The following TNXB variants were observed in gnomAD, a reference collection of about 807,000 sequenced individuals.
The protein encoded by TNXB is tenascin XB.
TNXB carries 183 observed loss-of-function variants against 340.5 expected under a neutral mutation model. The ratio of observed to expected loss-of-function variants is 0.54; its 90% CI spans 0.48 to 0.61. The LOEUF (loss-of-function observed/expected upper bound fraction) is 0.61. Ranked by LOEUF, TNXB falls within the 20% of genes least tolerant of loss-of-function variation. TNXB has a pLI of 0.00. For synonymous variants in TNXB, 2,121 were observed against 2,314.5 expected (o/e 0.92, Z 2.40); for missense variants, 4,613 against 5,446.4 (o/e 0.85, Z 4.82).
In TNXB at chr6:32,069,723, A is replaced by G; in HGVS notation, c.5417T>C (p.Phe1806Ser). The G allele has an allele frequency of 6.2e-7, 1 of 1,612,590 alleles. No homozygotes were observed. Among genetic ancestry groups the G allele is most frequent in the Non-Finnish European group, 8.5e-7 (1 of 1,179,544 alleles). The part of the protein sequence containing the change: ...WTVPEGQFDS[F>S]VVQYKDRDGQ... ...GTCCCTGTCTTTGTACTGGACCACAAAGGAGTCAAACTGGCCCTCAGGGAC... is the reference window on the plus strand; with the variant it reads ...GTCCCTGTCTTTGTACTGGACCACAGAGGAGTCAAACTGGCCCTCAGGGAC... Residue 1806 changes from phenylalanine (F) to serine (S), a missense_variant, in exon 15 of 44, where the codon TTT becomes TCT. Around this residue, in one of 7 missense-constraint regions of TNXB, gnomAD observed 4,327 missense variants for 4,859.4 expected, o/e 0.89. Coordinates refer to ENST00000644971, the MANE Select transcript of TNXB (RefSeq NM_001365276.2). This position sits in a 1 kb window ranked among gnomAD's most constrained non-coding sequence, Gnocchi z 6.2.
rs2151895941 is a variant in TNXB, at chr6:32,052,480, A to C, written c.9115+190T>G. ...AAAAAAAAAAGAAAGAAAGAAAAAG[A>C]AAGAAATGCATGGTCTCTTGCCCTA... On this transcript the variant is annotated intron_variant, in intron 26 of 43. Transcript: ENST00000644971. This position sits in a 1 kb window ranked among gnomAD's most constrained non-coding sequence, Gnocchi z 4.7. 6.6e-6 allele frequency among the ~76,000 whole-genome samples: 1 copy of C among 152,132 alleles called. No individual in the cohort carries two copies. The highest frequency in any genetic ancestry group is 2.4e-5 in the African/African-American group (1 of 41,518).
intron 1 of TNXB, among the ~76,000 whole-genome samples, chr6:32,102,698 G>A (rs1307298097): frequency 6.6e-6 from 1 of 152,194 alleles, no homozygotes; most frequent in East Asian, 1.9e-4. Context: ...GAGGCGGGCG[G>A]ATCACGAGGT....
chr6:32,062,361 A>G lies in TNXB; in HGVS notation c.6964T>C (p.Ser2322Pro), dbSNP rs1335643759. 4 of 1,613,512 alleles carry G rather than the reference A, an allele frequency of 2.5e-6. No individual in the cohort carries two copies. In the South Asian group the frequency reaches 4.4e-5, roughly 18 times the overall value. ...AACTGTCCCTCGGGAACCGTCCAGGACAGGCTGAGGGAGTCAGGGGTCGCA... is the reference window on the plus strand; with the variant it reads ...AACTGTCCCTCGGGAACCGTCCAGGGCAGGCTGAGGGAGTCAGGGGTCGCA... Reference protein sequence around the residue: ...TDATPDSLSLSWTVPEGQFDH... With the variant: ...TDATPDSLSLPWTVPEGQFDH... The change falls in exon 20 of 44, where the codon TCC (serine) becomes CCC (proline). Residue 2322 changes from serine to proline, a missense_variant. By Grantham distance (74) the Ser-to-Pro change is moderately conservative (BLOSUM62 -1). Transcript: ENST00000644971. The surrounding 1 kb of genome is among the most constrained non-coding windows in gnomAD (Gnocchi z 4.3).
Position 32,097,000 on chromosome 6 carries a change from T to G in TNXB, c.853A>C (p.Ser285Arg), listed in dbSNP as rs1780439054. The change falls in exon 3 of 44, where the codon AGT becomes CGT. Residue 285 changes from serine to arginine, a missense_variant. Physicochemically the swap from Ser to Arg is moderately radical, Grantham distance 110 (BLOSUM62 -1). Around this residue, in one of 7 missense-constraint regions of TNXB, gnomAD observed 4,327 missense variants for 4,859.4 expected, o/e 0.89. Coordinates refer to ENST00000644971, the MANE Select transcript of TNXB (RefSeq NM_001365276.2). ...CCATTCTCACAGCGCCCCCTCTGAC[T>G]GCAACCGCGAGGGCAGCTCCTCATG... is the stretch of plus-strand genomic sequence containing the variant. Reference protein sequence around the residue: ...CGMRSCPRGCSQRGRCENGRC... With the variant: ...CGMRSCPRGCRQRGRCENGRC... 6.2e-7 allele frequency: 1 copy of G among 1,612,048 alleles called. No individual in the cohort carries two copies.
chr6:32,064,939 C>T lies in TNXB; in HGVS notation c.6723G>A (p.Pro2241=), dbSNP rs1440533808. The change falls in exon 19 of 44, where the codon CCG becomes CCA. Residue 2241 remains proline, a synonymous_variant. Transcript: ENST00000644971. The surrounding 1 kb of genome is among the most constrained non-coding windows in gnomAD (Gnocchi z 5.3). Reference sequence around the variant, plus strand: ...AGATGGTGACCCCATCCTCGTGTCCCGGCACCCGCACCGCCTTGGGCTGCC... The same window carrying T: ...AGATGGTGACCCCATCCTCGTGTCCTGGCACCCGCACCGCCTTGGGCTGCC... ...GDGQPKAVRV[P]GHEDGVTISG... is the part of the protein sequence containing the mutation. The T allele has an allele frequency of 1.4e-5, 23 of 1,612,664 alleles. No homozygotes were observed. The highest frequency in any genetic ancestry group is 1.2e-4 in the African/African-American group (9 of 74,904).
At chr6:32,095,561 G>A in intron 3 of TNXB, 50 bp downstream of exon 3, 1 of 1,571,266 alleles carries the variant, frequency 6.4e-7, no homozygotes, top group Non-Finnish European at 8.7e-7. Flanking sequence ...CATGGCTCCT[G>A]TTCACAGAAT....
chr6:32,106,136 G>GC (rs1562889559), intron 1 of TNXB, among the ~76,000 whole-genome samples: 1 of 150,116 alleles, frequency 6.7e-6, no homozygotes, highest in Non-Finnish European at 1.5e-5. Flanking sequence ...GGGCATGGGG[G>GC]GGGGGGCTTC....
intron 3 of TNXB, 23 bp downstream of exon 3, chr6:32,095,588 A>T (rs1780284771): frequency 6.3e-7 from 1 of 1,598,026 alleles, no homozygotes. Context: ...CCCAGAGTAC[A>T]CTGGGGAAGG....
rs1175513507 is a variant in TNXB at position 32,096,937 on chromosome 6, A to C, written c.916T>G (p.Cys306Gly). ...VCNPGYTGEDCGVRSCPRGCS... is the reference protein window; with the variant it reads ...VCNPGYTGEDGGVRSCPRGCS... ...CCCCGAGGGCAGCTCCTCACCCCAC[A>C]GTCCTCGCCAGTGTAGCCGGGGTTA... Residue 306 changes from cysteine to glycine, a missense_variant, in exon 3 of 44, where the codon TGT becomes GGT. Physicochemically the swap from Cys to Gly is radical, Grantham distance 159. Coordinates refer to ENST00000644971, the MANE Select transcript of TNXB (RefSeq NM_001365276.2). The C allele has an allele frequency of 6.3e-7, 1 of 1,593,772 alleles. No homozygotes were observed. The highest frequency in any genetic ancestry group is 8.6e-7 in the Non-Finnish European group (1 of 1,163,100).
intron 22 of TNXB, 133 bp downstream of exon 22, chr6:32,057,925 T>A: frequency 1.7e-6 from 2 of 1,160,232 alleles, no homozygotes; most frequent in Non-Finnish European, 2.4e-6. Context: ...CTCCATGACA[T>A]GTCTTTCCAT....
intron 1 of TNXB, among the ~76,000 whole-genome samples, chr6:32,107,599 C>T (rs1781046865): frequency 6.6e-6 from 1 of 152,174 alleles, no homozygotes; most frequent in Admixed American, 6.5e-5. Flanking sequence ...ACCCTCTTGG[C>T]ACCCTCCCCA....
Position 32,083,150 on chromosome 6 carries a change from C to T in TNXB, c.3446-824G>A, listed in dbSNP as rs1562855085. Among the ~76,000 whole-genome samples, 1 of 152,172 alleles carries T rather than the reference C, an allele frequency of 6.6e-6. No individual in the cohort carries two copies. Among genetic ancestry groups the T allele is most frequent in the South Asian group, 2.1e-4 (1 of 4,832 alleles). The stretch of plus-strand genomic sequence containing the variant: ...CTCCGTAGCCCTTGAATCACTGTTC[C>T]GGAATCTGACAAGTCCAACCGCACC... On this transcript the variant is annotated intron_variant, in intron 8 of 43. Coordinates refer to ENST00000644971, the MANE Select transcript of TNXB (RefSeq NM_001365276.2). The surrounding 1 kb of genome is among the most constrained non-coding windows in gnomAD (Gnocchi z 4.6).
Position 32,068,078 on chromosome 6 carries a change from G to T in TNXB, c.6221-94C>A. ...GCTATGACTGGGGGACCCGAGGTCAGTTCAGAGAGGCCTACTCTTGGGGCT... is the reference window on the plus strand; with the variant it reads ...GCTATGACTGGGGGACCCGAGGTCATTTCAGAGAGGCCTACTCTTGGGGCT... On this transcript the variant is annotated intron_variant, in intron 17 of 43. Coordinates refer to ENST00000644971, the MANE Select transcript of TNXB (RefSeq NM_001365276.2). The surrounding 1 kb of genome is among the most constrained non-coding windows in gnomAD (Gnocchi z 5.3). 6.7e-7 allele frequency: 1 copy of T among 1,484,988 alleles called. No individual in the cohort carries two copies. The highest frequency in any genetic ancestry group is 9.0e-7 in the Non-Finnish European group (1 of 1,108,014). 92.0% of individuals were successfully genotyped at this position (1,484,988 alleles called of 1,614,324 possible).
chr6:32,088,437 C>T (rs1467912803), intron 6 of TNXB, among the ~76,000 whole-genome samples: 1 of 152,208 alleles, frequency 6.6e-6, no homozygotes, highest in African/African-American at 2.4e-5. Flanking sequence ...TGCCTAATTC[C>T]AGTCCCACAA....
rs779671317 is a variant in TNXB at position 32,069,032 on chromosome 6, G to A, written c.5692C>T (p.His1898Tyr). The stretch of plus-strand genomic sequence containing the variant: ...CCCTCAGTCACCATCCAGGAGAGAT[G>A]CAGGGTGTGTGACGTGGCCTCCTCC... ...TVEEATSHTL[H>Y]LSWMVTEGEF... Residue 1898 changes from histidine to tyrosine, a missense_variant, in exon 16 of 44, where the codon CAT (histidine) becomes TAT (tyrosine). Around this residue, in one of 7 missense-constraint regions of TNXB, gnomAD observed 4,327 missense variants for 4,859.4 expected, o/e 0.89. Coordinates refer to ENST00000644971, the MANE Select transcript of TNXB (RefSeq NM_001365276.2). The surrounding 1 kb of genome is among the most constrained non-coding windows in gnomAD (Gnocchi z 6.2). The A allele has an allele frequency of 1.9e-6, 3 of 1,612,772 alleles. No homozygotes were observed. In the African/African-American group the frequency reaches 4.0e-5, roughly 22 times the overall value.
In TNXB at chr6:32,089,115, G is replaced by A. The variant is rs1292586383; in HGVS notation, c.2516-67C>T. ...CTTCAATCATCATCTTTCCTTCCAA[G>A]AGCCTAGCCCCCATCCAGCCCCTTC... On this transcript the variant is annotated intron_variant, in intron 5 of 43. Coordinates refer to ENST00000644971, the MANE Select transcript of TNXB (RefSeq NM_001365276.2). This position sits in a 1 kb window ranked among gnomAD's most constrained non-coding sequence, Gnocchi z 6.2. 6.3e-7 allele frequency: 1 copy of A among 1,584,782 alleles called. No homozygotes were observed. Among genetic ancestry groups the A allele is most frequent in the African/African-American group, 1.3e-5 (1 of 74,454 alleles).
In TNXB at chr6:32,044,000, G is replaced by A; in HGVS notation, c.11386+7C>T. On this transcript the variant is annotated splice_region_variant and intron_variant, in intron 34 of 43. Transcript: ENST00000644971. ...GCGAGGCGATGAGCACATGGCAAAG[G>A]CACCACCTCCGTCCGCCAGCTGGTA... 5 of 1,599,748 alleles carry A rather than the reference G, an allele frequency of 3.1e-6. No homozygotes were observed. Among genetic ancestry groups the A allele is most frequent in the Non-Finnish European group, 4.3e-6 (5 of 1,173,840 alleles).
At chr6:32,054,485 T>G (rs139684510) in intron 24 of TNXB, among the ~76,000 whole-genome samples, 2 of 152,362 alleles carry the variant, frequency 1.3e-5, no homozygotes, top group Non-Finnish European at 2.9e-5. Flanking sequence ...TCACACACCA[T>G]GCTCTTTCTA....
At chr6:32,098,955 T>A (rs1226173641) in intron 1 of TNXB, among the ~76,000 whole-genome samples, 2 of 152,208 alleles carry the variant, frequency 1.3e-5, no homozygotes, top group Non-Finnish European at 2.9e-5. Context: ...TATCACAATA[T>A]CCTGTTCCTG....
Sources: allele counts gnomAD v4.1 joint callset (sites outside exome capture counted in the v4.1 genomes callset), GRCh38; gene constraint gnomAD v4.1.1; regional missense constraint gnomAD v4.1.1; non-coding constraint Gnocchi (gnomAD v3.1); transcripts MANE v1.5; gene names NCBI Gene and HGNC (gene_info 2026-07-23, HGNC 2026-07-21).